The following PHF2 variants were observed in gnomAD, a reference collection of about 807,000 sequenced individuals.
The protein encoded by PHF2 is lysine-specific demethylase PHF2.
A neutral mutation model predicts 120.5 loss-of-function variants in PHF2; 27 were observed. The ratio of observed to expected loss-of-function variants is 0.22; its 90% confidence interval spans 0.17 to 0.31. PHF2 has a LOEUF of 0.31. Among genes scored for constraint, PHF2 ranks in the 10% least tolerant of loss-of-function variants. The pLI is 1.00. For synonymous variants in PHF2, 568 were observed against 592.5 expected, an observed-to-expected ratio of 0.96 and a Z score of 0.60; for missense variants, 1,024 against 1,434.8, an observed-to-expected ratio of 0.71 and a Z score of 4.63.
chr9:93,666,921 C>A (rs1188066323), intron 16 of PHF2, among the ~76,000 whole-genome samples, 159 bp from the exon 17 acceptor site: 1 of 152,052 alleles, frequency 6.6e-6, no homozygotes, highest in Non-Finnish European at 1.5e-5. Context: ...GAGACTCCAT[C>A]TCAAAACTAA....
At chr9:93,584,510 G>T (rs759360883) in intron 1 of PHF2, among the ~76,000 whole-genome samples, 1 of 152,120 alleles carries the variant, frequency 6.6e-6, no homozygotes, top group East Asian at 1.9e-4. Flanking sequence ...TTCTTTCTCC[G>T]TTGAATGATC....
chr9:93,619,324 C>G (rs998594794), intron 1 of PHF2, among the ~76,000 whole-genome samples: 2 of 152,326 alleles, frequency 1.3e-5, no homozygotes, highest in South Asian at 4.1e-4. Context: ...AGGGACCAGG[C>G]GACTTGATCC....
chr9:93,675,100 C>T (rs1185643276), intron 19 of PHF2, 78 bp downstream of exon 19: 10 of 1,177,556 alleles, frequency 8.5e-6, no homozygotes, highest in Non-Finnish European at 1.3e-5. Flanking sequence ...TCCCTCCAGC[C>T]CCTGAGAATG....
chr9:93,581,451 A>G (rs1245477076), intron 1 of PHF2, among the ~76,000 whole-genome samples: 1 of 152,046 alleles, frequency 6.6e-6, no homozygotes, highest in Non-Finnish European at 1.5e-5. Context: ...TGTTGTTGTG[A>G]TGTGTTTAGG....
At chr9:93,663,175 G>C in intron 13 of PHF2, 149 bp downstream of exon 13, 1 of 1,130,412 alleles carries the variant, frequency 8.8e-7, no homozygotes. Context: ...GTGTGCTTAC[G>C]TGGGTCTGAG....
In PHF2 at chr9:93,652,087, G is replaced by A. The variant is rs115409102; in HGVS notation, c.603-1092G>A. On this transcript the variant is annotated intron_variant, in intron 5 of 21. Transcript: ENST00000359246. The stretch of plus-strand genomic sequence containing the variant: ...GACTGAGGCTAGTGGGATTGGGGCG[G>A]CAGGACTCTGCTTGTGATTTGTGAC... Among the ~76,000 whole-genome samples the A allele has an allele frequency of 4.6e-3, 706 of 152,268 alleles. 8 individuals carry two copies. Among genetic ancestry groups the A allele is most frequent in the African/African-American group, 0.016 (682 of 41,550 alleles).
chr9:93,587,851 A>G (rs10992791), intron 1 of PHF2, among the ~76,000 whole-genome samples: 66,579 of 151,968 alleles, frequency 0.44, 14,926 homozygotes, highest in African/African-American at 0.46. Context: ...GGAGCTGCCC[A>G]TTGGCCTCAC....
chr9:93,611,848 G>A lies in PHF2; in HGVS notation c.99-18122G>A, dbSNP rs1305446179. On this transcript the variant is annotated intron_variant, in intron 1 of 21. Coordinates refer to ENST00000359246, the MANE Select transcript of PHF2 (RefSeq NM_005392.4). ...AAATATTCTTTAAAGTCCTTGATGG[G>A]TAGCAATATATATACATAGGAAAAT... is the stretch of plus-strand genomic sequence containing the variant. 2.6e-5 allele frequency among the ~76,000 whole-genome samples: 4 copies of A among 152,094 alleles called. 1 individual carries two copies. The South Asian group carries it at 8.3e-4, about 32-fold the overall frequency.
intron 1 of PHF2, among the ~76,000 whole-genome samples, chr9:93,595,748 C>T (rs10114002): frequency 0.44 from 67,218 of 152,096 alleles, 15,615 homozygotes; most frequent in African/African-American, 0.58. Flanking sequence ...ACCAGAGATG[C>T]CTTCCTCTTG....
Position 93,645,488 on chromosome 9 carries a change from C to T in PHF2, c.300-141C>T, listed in dbSNP as rs201389306. On this transcript the variant is annotated intron_variant, in intron 3 of 21. Coordinates refer to ENST00000359246, the MANE Select transcript of PHF2 (RefSeq NM_005392.4). ...CTCTATCGTCCCATTTGTGGCACCA[C>T]GGCCAGGCCTCCTCCTGTGGCTGTG... The T allele has an allele frequency of 5.6e-4, 463 of 820,472 alleles. 7 individuals carry two copies. The East Asian group carries it at 0.012, about 21-fold the overall frequency. The allele number at this position is 820,472 out of a possible 1,614,324, so 50.8% of individuals were successfully genotyped here.
intron 3 of PHF2, 30 bp downstream of exon 3, chr9:93,636,555 C>A: frequency 6.9e-7 from 1 of 1,439,166 alleles, no homozygotes. Flanking sequence ...TGCTCCACCA[C>A]CTGCAGCCAG....
intron 1 of PHF2, among the ~76,000 whole-genome samples, chr9:93,620,900 G>C (rs1406084606): frequency 1.3e-5 from 2 of 152,266 alleles, no homozygotes; most frequent in African/African-American, 4.8e-5. Context: ...TCGGCAAACA[G>C]TCTCTTCTGT....
chr9:93,592,255 A>T (rs531082704), intron 1 of PHF2, among the ~76,000 whole-genome samples: 2 of 152,252 alleles, frequency 1.3e-5, no homozygotes, highest in South Asian at 4.2e-4. Context: ...CCCTGGGAAG[A>T]TAGTTGCCTC....
intron 1 of PHF2, among the ~76,000 whole-genome samples, chr9:93,609,923 T>A (rs1173511633): frequency 5.9e-5 from 9 of 152,162 alleles, no homozygotes. Context: ...TCTTGAACTC[T>A]TGACCTCGTG....
chr9:93,657,907 G>A (rs1826488727), intron 9 of PHF2, among the ~76,000 whole-genome samples: 1 of 152,140 alleles, frequency 6.6e-6, no homozygotes, highest in African/African-American at 2.4e-5. Context: ...GGCCTGGAGG[G>A]TGAGACAGTG....
chr9:93,614,394 C>T lies in PHF2; in HGVS notation c.99-15576C>T, dbSNP rs564877097. Reference sequence around the variant, plus strand: ...TATACCCCAGTGACTTCTGTTTCCCCTGTGGCTTCTGTTCCCAGCTAGCTT... The same window carrying T: ...TATACCCCAGTGACTTCTGTTTCCCTTGTGGCTTCTGTTCCCAGCTAGCTT... On this transcript the variant is annotated intron_variant, in intron 1 of 21. Coordinates refer to ENST00000359246, the MANE Select transcript of PHF2 (RefSeq NM_005392.4). Among the ~76,000 whole-genome samples, 347 of 152,224 alleles carry T rather than the reference C, an allele frequency of 2.3e-3. 2 individuals carry two copies. The highest frequency in any genetic ancestry group is 4.2e-3 in the Non-Finnish European group (289 of 68,040).
intron 1 of PHF2, among the ~76,000 whole-genome samples, chr9:93,614,749 C>T (rs1215011936): frequency 7.5e-6 from 1 of 133,694 alleles, no homozygotes; most frequent in Non-Finnish European, 1.7e-5. Context: ...GGGTCATGGT[C>T]CATTAGCCCA....
chr9:93,586,914 C>T (rs1175167188), intron 1 of PHF2, among the ~76,000 whole-genome samples: 1 of 152,260 alleles, frequency 6.6e-6, no homozygotes, highest in African/African-American at 2.4e-5. Context: ...ATTGGGGTGA[C>T]AACAGACTGC....
chr9:93,677,804 C>A lies in PHF2; in HGVS notation c.*128C>A. On this transcript the variant is annotated 3_prime_UTR_variant, in exon 22 of 22. Coordinates refer to ENST00000359246, the MANE Select transcript of PHF2 (RefSeq NM_005392.4). The surrounding 1 kb of genome is among the most constrained non-coding windows in gnomAD (Gnocchi z 4.4). ...CTTGCCTCTTCCCGGCTGCCATCTC[C>A]CCAACAAGCGTCTGTCCCTTCAGCC... The A allele has an allele frequency of 1.5e-6, 1 of 673,260 alleles. No homozygotes were observed. The highest frequency in any genetic ancestry group is 2.7e-5 in the Admixed American group (1 of 36,466). 41.7% of individuals were successfully genotyped at this position (673,260 alleles called of 1,614,324 possible). A position where few individuals can be genotyped will look rare whatever the true frequency, so the allele number is the denominator to read the frequency against.
Sources: gnomAD v4.1 joint callset for allele counts (sites outside exome capture counted in the v4.1 genomes callset) on GRCh38, gnomAD v4.1.1 for gene constraint, Gnocchi (gnomAD v3.1) non-coding constraint, MANE v1.5 for transcripts, NCBI Gene and HGNC (gene_info 2026-07-23, HGNC 2026-07-21) for gene names.